Variants in RIC8B observed in about 807,000 individuals in gnomAD.
RIC8B encodes chaperone Ric-8B.
Under a neutral mutation model 57.5 loss-of-function variants are expected in RIC8B, and 16 were observed. That is an observed-to-expected ratio of 0.28 (90% confidence interval 0.19 to 0.42). The LOEUF (loss-of-function observed/expected upper bound fraction) is 0.42, where lower values mean the gene tolerates loss of function less well. Ranked by LOEUF, RIC8B falls within the 10% of genes least tolerant of loss-of-function variation. RIC8B has a pLI of 1.00. For synonymous variants in RIC8B, 216 were observed against 250.8 expected (o/e 0.86, Z 1.31); for missense variants, 481 against 677.0 (o/e 0.71, Z 3.21).
At position 106,853,453 on chromosome 12, in the gene RIC8B, CTTTTTTTTTTTTT is replaced by C. The variant is rs758876525; in HGVS notation, c.1306+1880_1306+1892del. Among the ~76,000 whole-genome samples, 104 of 38,044 alleles carry C rather than the reference CTTTTTTTTTTTTT, an allele frequency of 2.7e-3. 1 individual carries two copies. The highest frequency in any genetic ancestry group is 4.1e-3 in the South Asian group (3 of 730). The allele number at this position is 38,044 out of a possible 152,430, so 25.0% of individuals were successfully genotyped here. A position where few individuals can be genotyped will look rare whatever the true frequency, so the allele number is the denominator to read the frequency against. On this transcript the variant is annotated intron_variant, in intron 7 of 9. Transcript: ENST00000392837. ...GACCTCAACAATTCTGCTTTATAGT[CTTTTTTTTTTTTT>C]TTTTTTTTTTTTTTTTTTTTGAGAC...
chr12:106,795,581 A>G (rs560248546), intron 2 of RIC8B, among the ~76,000 whole-genome samples: 126 of 152,246 alleles, frequency 8.3e-4, no homozygotes, highest in African/African-American at 3.0e-3. Context: ...TTATTATGCA[A>G]ATGAACTTTC....
intron 1 of RIC8B, among the ~76,000 whole-genome samples, chr12:106,781,678 T>C (rs1463195040): frequency 6.6e-6 from 1 of 152,214 alleles, no homozygotes; most frequent in African/African-American, 2.4e-5. Flanking sequence ...AAGACACTTA[T>C]AACTTACTGA....
At chr12:106,801,177 A>G (rs1593134982) in intron 2 of RIC8B, among the ~76,000 whole-genome samples, 1 of 152,228 alleles carries the variant, frequency 6.6e-6, no homozygotes, top group Non-Finnish European at 1.5e-5. Context: ...TTGAAGAGAA[A>G]TAGAAAGTTT....
At chr12:106,831,286 C>T (rs985816590) in intron 4 of RIC8B, among the ~76,000 whole-genome samples, 9 of 152,116 alleles carry the variant, frequency 5.9e-5, no homozygotes, top group Admixed American at 3.3e-4. Context: ...TTTCAAAAAG[C>T]GGATTTCTAC....
chr12:106,881,023 A>G (rs149747024), intron 9 of RIC8B, among the ~76,000 whole-genome samples: 347 of 152,310 alleles, frequency 2.3e-3, no homozygotes, highest in Non-Finnish European at 3.9e-3. Context: ...ATGAAAGATA[A>G]TATCAAGTAC....
intron 4 of RIC8B, among the ~76,000 whole-genome samples, chr12:106,826,580 C>G (rs983068901): frequency 2.0e-5 from 3 of 151,862 alleles, no homozygotes; most frequent in Non-Finnish European, 4.4e-5. Context: ...ATGGTGAAAC[C>G]CCGTCTCCAT....
intron 9 of RIC8B, among the ~76,000 whole-genome samples, chr12:106,885,263 A>G (rs1235794361): frequency 2.0e-5 from 3 of 152,188 alleles, no homozygotes; most frequent in South Asian, 4.1e-4. Flanking sequence ...ATGGCTGTCA[A>G]TCCCATAATT....
intron 6 of RIC8B, among the ~76,000 whole-genome samples, chr12:106,850,859 A>G (rs1440762387): frequency 6.6e-6 from 1 of 152,214 alleles, no homozygotes; most frequent in African/African-American, 2.4e-5. Flanking sequence ...GAGCACCAAC[A>G]TGATGCTCAA....
At chr12:106,866,924 C>G (rs182547496) in intron 8 of RIC8B, among the ~76,000 whole-genome samples, 1 of 152,154 alleles carries the variant, frequency 6.6e-6, no homozygotes, top group African/African-American at 2.4e-5. Flanking sequence ...TTCCTTCCTA[C>G]GAGGTATAAG....
chr12:106,885,576 C>CAA (rs35328877), intron 9 of RIC8B, among the ~76,000 whole-genome samples: 17 of 138,454 alleles, frequency 1.2e-4, no homozygotes, highest in South Asian at 6.9e-4. Context: ...ACCAATCCAC[C>CAA]AAAAAAAAAA....
chr12:106,880,051 G>C, intron 9 of RIC8B: 1 of 678,964 alleles, frequency 1.5e-6, no homozygotes, highest in Non-Finnish European at 1.8e-6. Context: ...CTGACACATA[G>C]CCATCCTTTT....
intron 2 of RIC8B, among the ~76,000 whole-genome samples, chr12:106,802,912 TA>T (rs1433986604): frequency 1.3e-5 from 2 of 151,586 alleles, no homozygotes; most frequent in Non-Finnish European, 2.9e-5. Flanking sequence ...AATATCAGTT[TA>T]AAAAAAATGA....
intron 4 of RIC8B, among the ~76,000 whole-genome samples, chr12:106,827,174 G>A (rs560645489): frequency 3.3e-5 from 5 of 152,174 alleles, no homozygotes; most frequent in Admixed American, 2.0e-4. Context: ...AACTGAATAA[G>A]AATTAATGCA....
At chr12:106,779,340 T>C (rs1334030963) in intron 1 of RIC8B, among the ~76,000 whole-genome samples, 1 of 151,964 alleles carries the variant, frequency 6.6e-6, no homozygotes. Context: ...CAAGCGATTC[T>C]CCTGCCTCAG....
chr12:106,871,709 C>T (rs924848691), intron 9 of RIC8B, among the ~76,000 whole-genome samples: 1 of 152,146 alleles, frequency 6.6e-6, no homozygotes, highest in Non-Finnish European at 1.5e-5. Context: ...TGAATGAATG[C>T]TTCTGTGTGT....
In RIC8B at chr12:106,838,535, C is replaced by CAA. The variant is rs34383569; in HGVS notation, c.837-4039_837-4038dup. Reference sequence around the variant, plus strand: ...CCTAAGCAACAGAACAATACCCTGTCAAAAAAAAAAAAAAAAGAGGGAGGA... The same window carrying CAA: ...CCTAAGCAACAGAACAATACCCTGTCAAAAAAAAAAAAAAAAAAGAGGGAGGA... On this transcript the variant is annotated intron_variant, in intron 4 of 9. Coordinates refer to ENST00000392837, the MANE Select transcript of RIC8B (RefSeq NM_001330145.2). 4.3e-3 allele frequency among the ~76,000 whole-genome samples: 405 copies of CAA among 94,746 alleles called. 1 individual carries two copies. The highest frequency in any genetic ancestry group is 6.2e-3 in the Non-Finnish European group (282 of 45,402). 62.2% of individuals were successfully genotyped at this position (94,746 alleles called of 152,430 possible).
At chr12:106,819,854 A>T (rs1332679298) in intron 3 of RIC8B, among the ~76,000 whole-genome samples, 2 of 151,100 alleles carry the variant, frequency 1.3e-5, no homozygotes, top group Non-Finnish European at 2.9e-5. Flanking sequence ...ATAAGGAAAG[A>T]TGTATCAACC....
At chr12:106,842,088 T>A (rs1056877931) in intron 4 of RIC8B, among the ~76,000 whole-genome samples, 1 of 152,226 alleles carries the variant, frequency 6.6e-6, no homozygotes, top group Non-Finnish European at 1.5e-5. Context: ...TTAAATTGTA[T>A]TTTCTACATT....
intron 1 of RIC8B, chr12:106,775,246 A>G (rs2043406912): frequency 6.9e-6 from 3 of 433,648 alleles, no homozygotes; most frequent in South Asian, 5.0e-5. Context: ...ATCAGCAACG[A>G]TGGCAGTTTC....
Sources: allele counts gnomAD v4.1 joint callset (sites outside exome capture counted in the v4.1 genomes callset), GRCh38; gene constraint gnomAD v4.1.1; transcripts MANE v1.5; gene names NCBI Gene and HGNC (gene_info 2026-07-23, HGNC 2026-07-21).